Variants in MYOM2 observed in about 807,000 individuals in gnomAD.
MYOM2 encodes the protein myomesin 2, also known as myomesin-2.
Under a neutral mutation model 187.6 loss-of-function variants are expected in MYOM2, and 254 were observed. The ratio of observed to expected loss-of-function variants is 1.35; its 90% CI spans 1.22 to 1.50. MYOM2 has a LOEUF of 1.50. Ranked by LOEUF, MYOM2 falls within the 40% of genes most tolerant of loss-of-function variation. The pLI, the probability that MYOM2 is intolerant of heterozygous loss-of-function variation, is 0.00. For missense variants in MYOM2, 2,796 were observed against 1,924.0 expected, an observed-to-expected ratio of 1.45 and a Z score of -8.48; for synonymous variants, 981 against 753.8, an observed-to-expected ratio of 1.30 and a Z score of -4.94.
intron 32 of MYOM2, among the ~76,000 whole-genome samples, chr8:2,134,888 G>C (rs1798013901): frequency 6.6e-6 from 1 of 152,124 alleles, no homozygotes; most frequent in Non-Finnish European, 1.5e-5. Flanking sequence ...CCTGGCTCCT[G>C]GACAAAGGTT....
chr8:2,052,436 C>G lies in MYOM2; in HGVS notation c.263+123C>G, dbSNP rs908207159. ...GAAGATCAAGGAACACAGGCCATGC[C>G]TGGGGTGAGAGGGAGAATGCTGCTG... is the stretch of plus-strand genomic sequence containing the variant. On this transcript the variant is annotated intron_variant, in intron 3 of 36. Transcript: ENST00000262113. 12 of 1,067,054 alleles carry G rather than the reference C, an allele frequency of 1.1e-5. No individual in the cohort carries two copies. The Admixed American group carries it at 1.4e-4, about 13-fold the overall frequency. The allele number at this position is 1,067,054 out of a possible 1,614,324, so 66.1% of individuals were successfully genotyped here.
intron 2 of MYOM2, 30 bp from the exon 3 acceptor site, chr8:2,052,128 C>T: frequency 6.2e-7 from 1 of 1,611,290 alleles, no homozygotes; most frequent in East Asian, 2.2e-5. Flanking sequence ...CCTGAGCATG[C>T]ATCTCCTAAT....
intron 8 of MYOM2, among the ~76,000 whole-genome samples, chr8:2,071,475 A>T (rs1176783525): frequency 6.6e-6 from 1 of 151,872 alleles, no homozygotes; most frequent in Non-Finnish European, 1.5e-5. Context: ...ATTTGGGTGA[A>T]CTCTAAACTC....
At chr8:2,101,803 G>A (rs759742989) in intron 20 of MYOM2, among the ~76,000 whole-genome samples, 3 of 152,138 alleles carry the variant, frequency 2.0e-5, no homozygotes, top group South Asian at 2.1e-4. Context: ...CATTTGATAA[G>A]CACCACACAC....
intron 35 of MYOM2, among the ~76,000 whole-genome samples, chr8:2,142,735 TCCCTTCCTC>T (rs1307729357): frequency 0.16 from 399 of 2,534 alleles, 9 homozygotes; most frequent in East Asian, 0.46. Context: ...CCTCCCTTCC[TCCCTTCCTC>T]CCCTCCCTCC....
Position 2,123,560 on chromosome 8 carries a change from AAAG to A in MYOM2, c.3577_3579del (p.Lys1193del), listed in dbSNP as rs1483400401. On this transcript the variant is annotated inframe_deletion, in exon 30 of 37. Transcript: ENST00000262113. ...GGAATGTGTTTTCTTTGTAGTTGTCAAAGAAGGACCACGGTGAATACAAGGCAA... is the reference window on the plus strand; with the variant it reads ...GGAATGTGTTTTCTTTGTAGTTGTCAAAGGACCACGGTGAATACAAGGCAA... The A allele has an allele frequency of 3.7e-6, 6 of 1,613,892 alleles. No homozygotes were observed. In the Admixed American group the frequency reaches 5.0e-5, roughly 13 times the overall value.
chr8:2,112,387 A>G (rs976846615), intron 25 of MYOM2, among the ~76,000 whole-genome samples: 7 of 134,588 alleles, frequency 5.2e-5, no homozygotes, highest in African/African-American at 1.7e-4. Flanking sequence ...GGAGGTAGAA[A>G]TCATGGGTCG....
chr8:2,120,670 A>AT (rs1369999962), intron 28 of MYOM2, among the ~76,000 whole-genome samples: 3 of 18,656 alleles, frequency 1.6e-4, no homozygotes, highest in African/African-American at 1.9e-4. Flanking sequence ...ATATATATAT[A>AT]TATATTATAT....
intron 24 of MYOM2, among the ~76,000 whole-genome samples, chr8:2,109,123 A>C (rs1376303744): frequency 6.6e-6 from 1 of 152,214 alleles, no homozygotes; most frequent in African/African-American, 2.4e-5. Context: ...TCTGTTATTG[A>C]ATTGCATTAA....
At chr8:2,112,639 C>G (rs1228153896) in intron 25 of MYOM2, among the ~76,000 whole-genome samples, 2 of 152,032 alleles carry the variant, frequency 1.3e-5, no homozygotes, top group African/African-American at 2.4e-5. Context: ...AAAATGAACA[C>G]AGAGAGAGAA....
intron 23 of MYOM2, 21 bp downstream of exon 23, chr8:2,106,618 C>G (rs1177718879): frequency 6.5e-7 from 1 of 1,538,734 alleles, no homozygotes; most frequent in Non-Finnish European, 8.9e-7. Flanking sequence ...TATGGCAGAA[C>G]CTTGCCTGTT....
intron 6 of MYOM2, among the ~76,000 whole-genome samples, chr8:2,063,550 G>GT (rs977822030): frequency 2.0e-5 from 3 of 152,118 alleles, no homozygotes; most frequent in African/African-American, 7.2e-5. Context: ...AATCTATCTG[G>GT]TTTTCTATCA....
intron 3 of MYOM2, among the ~76,000 whole-genome samples, chr8:2,057,025 AG>A (rs1205814044): frequency 6.6e-6 from 1 of 152,164 alleles, no homozygotes; most frequent in African/African-American, 2.4e-5. Context: ...AATTCTCCAA[AG>A]CATCTCTTAG....
chr8:2,111,016 C>G (rs529544403), intron 25 of MYOM2, among the ~76,000 whole-genome samples: 2 of 152,220 alleles, frequency 1.3e-5, no homozygotes, highest in African/African-American at 4.8e-5. Context: ...GGGAGACTTA[C>G]TGTCTGATCC....
intron 1 of MYOM2, 127 bp from the exon 2 acceptor site, chr8:2,050,628 A>AT (rs559617276): frequency 1.7e-4 from 93 of 543,084 alleles, no homozygotes; most frequent in African/African-American, 1.7e-3. Flanking sequence ...GTAATCTTTC[A>AT]TTTTTTCCCT....
At chr8:2,111,644 C>G (rs1330188092) in intron 25 of MYOM2, among the ~76,000 whole-genome samples, 2 of 152,188 alleles carry the variant, frequency 1.3e-5, no homozygotes, top group African/African-American at 4.8e-5. Context: ...GACGGTGTAT[C>G]CACTGGAATC....
chr8:2,138,623 C>T (rs1024624127), intron 32 of MYOM2, among the ~76,000 whole-genome samples: 1 of 152,250 alleles, frequency 6.6e-6, no homozygotes, highest in African/African-American at 2.4e-5. Context: ...GCTCACACTG[C>T]CCTGCCTTCT....
At chr8:2,121,352 G>A (rs1482416732) in intron 28 of MYOM2, among the ~76,000 whole-genome samples, 1 of 152,006 alleles carries the variant, frequency 6.6e-6, no homozygotes, top group Non-Finnish European at 1.5e-5. Flanking sequence ...GGCCAGTGGC[G>A]AGACCCCCGA....
intron 10 of MYOM2, 24 bp downstream of exon 10, chr8:2,073,524 G>A: frequency 6.4e-7 from 1 of 1,571,102 alleles, no homozygotes; most frequent in African/African-American, 1.5e-5. Flanking sequence ...GGTTCTCAGG[G>A]TGCAGACCTT....
Sources: gnomAD v4.1 joint callset for allele counts (sites outside exome capture counted in the v4.1 genomes callset) on GRCh38, gnomAD v4.1.1 for gene constraint, MANE v1.5 for transcripts, NCBI Gene and HGNC (gene_info 2026-07-23, HGNC 2026-07-21) for gene names.